SUSD6: variants seen among roughly 807,000 people sequenced by gnomAD.
SUSD6 encodes the protein sushi domain containing 6, also known as sushi domain-containing protein 6.
SUSD6 carries 16 observed loss-of-function variants against 28.4 expected under a neutral mutation model. The observed-to-expected ratio is 0.56, with a 90% CI of 0.38 to 0.86. The LOEUF (loss-of-function observed/expected upper bound fraction) is 0.86. Among genes scored for constraint, SUSD6 ranks in the 40% least tolerant of loss-of-function variants. SUSD6 has a pLI of 0.00. For synonymous variants in SUSD6, 147 were observed against 159.6 expected (o/e 0.92, Z 0.59); for missense variants, 341 against 384.2 (o/e 0.89, Z 0.94).
intron 1 of SUSD6, among the ~76,000 whole-genome samples, chr14:69,648,252 G>A (rs566472361): frequency 2.0e-4 from 30 of 152,224 alleles, no homozygotes; most frequent in Admixed American, 1.8e-3. Flanking sequence ...ATAGAGGTCC[G>A]GAAAGCTTGG....
intron 1 of SUSD6, among the ~76,000 whole-genome samples, chr14:69,614,631 T>C (rs963995245): frequency 6.6e-6 from 1 of 152,240 alleles, no homozygotes; most frequent in African/African-American, 2.4e-5. Flanking sequence ...TCTGCCCTTT[T>C]TTCATATCCT....
At chr14:69,612,597 G>A (rs1884897122) in intron 1 of SUSD6, among the ~76,000 whole-genome samples, 1 of 152,102 alleles carries the variant, frequency 6.6e-6, no homozygotes, top group Non-Finnish European at 1.5e-5. Context: ...AGGTGGTTAT[G>A]GGGACAGCAA....
At chr14:69,690,872 A>G (rs1389709241) in intron 2 of SUSD6, among the ~76,000 whole-genome samples, 2 of 152,146 alleles carry the variant, frequency 1.3e-5, no homozygotes, top group Non-Finnish European at 2.9e-5. Flanking sequence ...GGCAATAGAG[A>G]TGAGACTTGT....
chr14:69,678,788 G>A (rs1885954818), intron 2 of SUSD6, among the ~76,000 whole-genome samples: 1 of 152,228 alleles, frequency 6.6e-6, no homozygotes, highest in Non-Finnish European at 1.5e-5. Flanking sequence ...GGGCAACAGA[G>A]CAAGACCCTA....
At chr14:69,707,377 C>G (rs2139647651) in intron 4 of SUSD6, among the ~76,000 whole-genome samples, 1 of 152,290 alleles carries the variant, frequency 6.6e-6, no homozygotes, top group Admixed American at 6.5e-5. Flanking sequence ...ATGAATAAGC[C>G]TCACACGTAT....
Position 69,710,987 on chromosome 14 carries a change from G to A in SUSD6, c.*8G>A, listed in dbSNP as rs202185477. 5.9e-5 allele frequency: 96 copies of A among 1,613,856 alleles called. No homozygotes were observed. The highest frequency in any genetic ancestry group is 3.3e-4 in the East Asian group (15 of 44,844). On this transcript the variant is annotated 3_prime_UTR_variant, in exon 6 of 6. Coordinates refer to ENST00000342745, the MANE Select transcript of SUSD6 (RefSeq NM_014734.4). ...CTGTTGAAAGAAGCATGAGGGCAGC[G>A]GCCAGCCTTTCCTCTCTGCGAGGTT...
At chr14:69,684,752 C>T (rs2139632979) in intron 2 of SUSD6, among the ~76,000 whole-genome samples, 1 of 152,356 alleles carries the variant, frequency 6.6e-6, no homozygotes, top group South Asian at 2.1e-4. Flanking sequence ...GCCGAGGCTC[C>T]ACTGTTAGCC....
At chr14:69,641,664 G>A (rs780836859) in intron 1 of SUSD6, among the ~76,000 whole-genome samples, 1 of 151,864 alleles carries the variant, frequency 6.6e-6, no homozygotes, top group African/African-American at 2.4e-5. Flanking sequence ...ATCATAGCTC[G>A]TTGCAGCCTC....
intron 5 of SUSD6, among the ~76,000 whole-genome samples, chr14:69,709,437 A>G (rs574241019): frequency 6.6e-6 from 1 of 152,300 alleles, no homozygotes; most frequent in African/African-American, 2.4e-5. Flanking sequence ...TGTTCCTGAA[A>G]GGTCAGGAAT....
intron 2 of SUSD6, among the ~76,000 whole-genome samples, chr14:69,679,829 G>C (rs989213462): frequency 6.6e-6 from 1 of 152,152 alleles, no homozygotes; most frequent in African/African-American, 2.4e-5. Flanking sequence ...ATAAAGATGG[G>C]CTTTTATATT....
chr14:69,632,675 G>A (rs1221469261), intron 1 of SUSD6, among the ~76,000 whole-genome samples: 1 of 151,646 alleles, frequency 6.6e-6, no homozygotes, highest in Non-Finnish European at 1.5e-5. Context: ...CAAAACACTG[G>A]GCAGATGGGA....
intron 2 of SUSD6, among the ~76,000 whole-genome samples, chr14:69,697,382 C>G (rs1461862700): frequency 6.6e-6 from 1 of 152,172 alleles, no homozygotes; most frequent in South Asian, 2.1e-4. Flanking sequence ...CCCAGTAGAT[C>G]TCAGCCTCAT....
chr14:69,619,593 C>CAGAAA (rs1885006598), intron 1 of SUSD6, among the ~76,000 whole-genome samples: 2 of 144,300 alleles, frequency 1.4e-5, no homozygotes, highest in Non-Finnish European at 3.0e-5. Context: ...GTCCACATCT[C>CAGAAA]TACAGAAAAA....
At chr14:69,697,426 T>G (rs894395552) in intron 2 of SUSD6, among the ~76,000 whole-genome samples, 1 of 152,190 alleles carries the variant, frequency 6.6e-6, no homozygotes, top group Non-Finnish European at 1.5e-5. Flanking sequence ...GGAGTCGCTG[T>G]CATTCAGATG....
intron 1 of SUSD6, among the ~76,000 whole-genome samples, chr14:69,635,873 G>A (rs1379464668): frequency 6.6e-6 from 1 of 152,266 alleles, no homozygotes; most frequent in Non-Finnish European, 1.5e-5. Flanking sequence ...TGAGCATGTG[G>A]TCAGGGACAG....
chr14:69,698,284 C>T (rs549362476), intron 2 of SUSD6, among the ~76,000 whole-genome samples: 1 of 152,270 alleles, frequency 6.6e-6, no homozygotes, highest in Non-Finnish European at 1.5e-5. Flanking sequence ...GCTGAGATTG[C>T]CACTGCACTC....
intron 1 of SUSD6, among the ~76,000 whole-genome samples, chr14:69,646,700 CTTTT>C (rs61409476): frequency 9.2e-6 from 1 of 109,220 alleles, no homozygotes; most frequent in African/African-American, 3.5e-5. Flanking sequence ...TTTTTTCCAT[CTTTT>C]TTTTTTTTTT....
chr14:69,632,303 C>T (rs1476545498), intron 1 of SUSD6, among the ~76,000 whole-genome samples: 1 of 152,124 alleles, frequency 6.6e-6, no homozygotes, highest in Non-Finnish European at 1.5e-5. Context: ...GAGGGAGGAG[C>T]TGCATTTCTG....
chr14:69,682,153 G>A (rs1294498169), intron 2 of SUSD6, among the ~76,000 whole-genome samples: 4 of 152,096 alleles, frequency 2.6e-5, no homozygotes, highest in South Asian at 4.1e-4. Flanking sequence ...GCAATACAGC[G>A]AGGCCCCATC....
Sources: gnomAD v4.1 joint callset for allele counts (sites outside exome capture counted in the v4.1 genomes callset) on GRCh38, gnomAD v4.1.1 for gene constraint, MANE v1.5 for transcripts, NCBI Gene and HGNC (gene_info 2026-07-23, HGNC 2026-07-21) for gene names.